XRCC6: variants seen among roughly 807,000 people sequenced by gnomAD.
The protein encoded by XRCC6 is X-ray repair cross complementing 6, also known as DNA repair protein Ku70.
Under a neutral mutation model 65.7 loss-of-function variants are expected in XRCC6, and 5 were observed. The ratio of observed to expected loss-of-function variants is 0.08; its 90% CI spans 0.04 to 0.16. The LOEUF (loss-of-function observed/expected upper bound fraction) is 0.16. Ranked by LOEUF, XRCC6 falls within the 10% of genes least tolerant of loss-of-function variation. The pLI is 1.00. For missense variants in XRCC6, 447 were observed against 738.1 expected (o/e 0.61, Z 4.57); for synonymous variants, 270 against 270.6 (o/e 1.00, Z 0.02).
chr22:41,648,003 T>A (rs1348339498), intron 7 of XRCC6: 2 of 142,740 alleles, frequency 1.4e-5, no homozygotes, highest in African/African-American at 2.5e-5. Flanking sequence ...TTCCTTTTCT[T>A]TTTTCTCTCT....
chr22:41,648,185 C>T (rs529580907), intron 7 of XRCC6: 3 of 152,004 alleles, frequency 2.0e-5, no homozygotes, highest in Non-Finnish European at 2.9e-5. Flanking sequence ...CGCACTTGGA[C>T]GAGCCATGTG....
intron 3 of XRCC6, among the ~76,000 whole-genome samples, chr22:41,633,933 GTT>G (rs1026323676): frequency 1.3e-5 from 2 of 152,116 alleles, no homozygotes; most frequent in African/African-American, 4.8e-5. Flanking sequence ...TTTAGTTTTT[GTT>G]TTTAATTTTT....
chr22:41,655,698 C>CAA (rs132782), intron 9 of XRCC6, among the ~76,000 whole-genome samples: 2 of 108,554 alleles, frequency 1.8e-5, no homozygotes, highest in African/African-American at 3.6e-5. Flanking sequence ...GACTCTGTCT[C>CAA]AAAAAAAAAA....
intron 9 of XRCC6, 77 bp downstream of exon 9, chr22:41,653,767 C>A: frequency 1.3e-6 from 2 of 1,500,118 alleles, no homozygotes; most frequent in South Asian, 1.3e-5. Flanking sequence ...CTAATGCAGA[C>A]CTACTGAATC....
At chr22:41,640,417 G>A (rs1189118659) in intron 6 of XRCC6, among the ~76,000 whole-genome samples, 1 of 152,176 alleles carries the variant, frequency 6.6e-6, no homozygotes, top group Non-Finnish European at 1.5e-5. Context: ...CCAAAGTGCT[G>A]GGATTAAGGG....
intron 11 of XRCC6, among the ~76,000 whole-genome samples, chr22:41,658,652 A>T (rs2068069095): frequency 6.6e-6 from 1 of 152,254 alleles, no homozygotes; most frequent in Non-Finnish European, 1.5e-5. Flanking sequence ...ACGGTGGCTC[A>T]TGCCTGTAAT....
In XRCC6 at chr22:41,653,552, C is replaced by G. The variant is rs1411546189; in HGVS notation, c.1153C>G (p.Leu385Val). 2 of 1,612,940 alleles carry G rather than the reference C, an allele frequency of 1.2e-6. No homozygotes were observed. Among genetic ancestry groups the G allele is most frequent in the East Asian group, 2.2e-5 (1 of 44,880 alleles). The change falls in exon 9 of 13, where the codon CTG (leucine) becomes GTG (valine). Residue 385 changes from leucine (L) to valine (V), a missense_variant. Around this residue, in one of 4 missense-constraint regions of XRCC6, gnomAD observed 201 missense variants for 374.1 expected, o/e 0.54. Transcript: ENST00000360079. ...VIGSSTLFSA[L>V]LIKCLEKEVA... Reference sequence around the variant, plus strand: ...AGGGAGCTCAACCCTGTTCAGTGCTCTGCTCATCAAGTGTCTGGAGAAGGA... The same window carrying G: ...AGGGAGCTCAACCCTGTTCAGTGCTGTGCTCATCAAGTGTCTGGAGAAGGA...
chr22:41,650,665 G>C, intron 7 of XRCC6, 58 bp from the exon 8 acceptor site: 2 of 1,569,220 alleles, frequency 1.3e-6, no homozygotes, highest in Admixed American at 3.4e-5. Flanking sequence ...TCATCTTCGA[G>C]TTATTTTGCA....
intron 6 of XRCC6, among the ~76,000 whole-genome samples, chr22:41,640,480 T>C (rs974746733): frequency 6.6e-6 from 1 of 152,174 alleles, no homozygotes; most frequent in African/African-American, 2.4e-5. Flanking sequence ...CTTGGGGCTC[T>C]TGGTATGTTA....
chr22:41,646,751 A>G, intron 6 of XRCC6, 145 bp from the exon 7 acceptor site: 1 of 671,522 alleles, frequency 1.5e-6, no homozygotes, highest in Non-Finnish European at 2.5e-6. Context: ...ATTCGATTGT[A>G]TTATTAAAAA....
At chr22:41,622,886 A>G (rs978655500) in intron 2 of XRCC6, among the ~76,000 whole-genome samples, 47 of 151,954 alleles carry the variant, frequency 3.1e-4, no homozygotes, top group African/African-American at 9.7e-4. Context: ...TGGAGCTTGC[A>G]GTGAGCCGAG....
At chr22:41,656,816 G>A (rs1207434329) in intron 9 of XRCC6, 87 bp from the exon 10 acceptor site, 3 of 1,589,344 alleles carry the variant, frequency 1.9e-6, no homozygotes, top group Admixed American at 1.8e-5. Context: ...CAGCACCACA[G>A]GACATAAAAG....
chr22:41,655,910 C>T (rs1000953475), intron 9 of XRCC6, among the ~76,000 whole-genome samples: 1 of 151,686 alleles, frequency 6.6e-6, no homozygotes, highest in African/African-American at 2.4e-5. Flanking sequence ...GTTACTGCCA[C>T]AGTACATGAG....
At chr22:41,623,478 C>A (rs2067633618) in intron 2 of XRCC6, among the ~76,000 whole-genome samples, 1 of 151,754 alleles carries the variant, frequency 6.6e-6, no homozygotes, top group Non-Finnish European at 1.5e-5. Context: ...AGCTCCGCCT[C>A]CCGGGTTCAT....
At chr22:41,644,906 A>C (rs1289888620) in intron 6 of XRCC6, among the ~76,000 whole-genome samples, 1 of 152,156 alleles carries the variant, frequency 6.6e-6, no homozygotes, top group Non-Finnish European at 1.5e-5. Flanking sequence ...CTTGAGTTTG[A>C]ATATGGATTT....
At chr22:41,661,851 A>C (rs970993965) in intron 12 of XRCC6, among the ~76,000 whole-genome samples, 2 of 152,216 alleles carry the variant, frequency 1.3e-5, no homozygotes, top group African/African-American at 4.8e-5. Flanking sequence ...TGTGTCCATC[A>C]ACAGATGCCT....
rs367593814 is a variant in XRCC6, at chr22:41,633,802, AG to A, written c.196-2310del. ...GGAACCCTTGATGCCTAAAGACCTCAGAAGAAAATGTAGTGTTAGGTAGGAA... is the reference window on the plus strand; with the variant it reads ...GGAACCCTTGATGCCTAAAGACCTCAAAGAAAATGTAGTGTTAGGTAGGAA... On this transcript the variant is annotated intron_variant, in intron 3 of 12. Coordinates refer to ENST00000360079, the MANE Select transcript of XRCC6 (RefSeq NM_001469.5). Among the ~76,000 whole-genome samples, 581 of 152,342 alleles carry A rather than the reference AG, an allele frequency of 3.8e-3. 6 individuals are homozygous for A. The highest frequency in any genetic ancestry group is 0.013 in the African/African-American group (554 of 41,586).
At chr22:41,637,078 ATTTTTTTTT>A (rs35433922) in intron 5 of XRCC6, among the ~76,000 whole-genome samples, 2 of 88,708 alleles carry the variant, frequency 2.3e-5, no homozygotes, top group Non-Finnish European at 4.7e-5. Flanking sequence ...GATTGTCTTG[ATTTTTTTTT>A]TTTTTTTTTT....
intron 1 of XRCC6, 32 bp from the exon 2 acceptor site, chr22:41,621,958 G>T (rs765549166): frequency 6.2e-7 from 1 of 1,604,110 alleles, no homozygotes; most frequent in East Asian, 2.2e-5. Flanking sequence ...ATTTAAATTT[G>T]CCTGTTACTG....
Sources: allele counts gnomAD v4.1 joint callset (sites outside exome capture counted in the v4.1 genomes callset), GRCh38; gene constraint gnomAD v4.1.1; regional missense constraint gnomAD v4.1.1; transcripts MANE v1.5; gene names NCBI Gene and HGNC (gene_info 2026-07-23, HGNC 2026-07-21).